Variants in RORA observed in about 807,000 individuals in gnomAD.
RORA encodes RAR related orphan receptor A, also known as nuclear receptor ROR-alpha.
A neutral mutation model predicts 69.5 loss-of-function variants in RORA; 7 were observed. The observed-to-expected ratio is 0.10, with a 90% CI of 0.06 to 0.19. The LOEUF is 0.19. Ranked by LOEUF, RORA falls within the 10% of genes least tolerant of loss-of-function variation. RORA has a pLI of 1.00. For missense variants in RORA, 457 were observed against 663.0 expected (o/e 0.69, Z 3.41); for synonymous variants, 261 against 240.8 (o/e 1.08, Z -0.78).
At chr15:60,821,797 C>A (rs989187867) in intron 1 of RORA, among the ~76,000 whole-genome samples, 1 of 152,210 alleles carries the variant, frequency 6.6e-6, no homozygotes, top group Non-Finnish European at 1.5e-5. Flanking sequence ...AATCACTCTA[C>A]AAGAGCCCCA....
intron 1 of RORA, among the ~76,000 whole-genome samples, chr15:60,755,230 T>C (rs2140865476): frequency 6.7e-6 from 1 of 148,436 alleles, no homozygotes; most frequent in African/African-American, 2.5e-5. Context: ...TAAGAACATG[T>C]GGTGTTTGGT....
chr15:60,652,361 A>G (rs1052208834), intron 2 of RORA, among the ~76,000 whole-genome samples: 3 of 152,222 alleles, frequency 2.0e-5, no homozygotes, highest in Non-Finnish European at 4.4e-5. Context: ...CCTACTTAGT[A>G]GACAGAAGAA....
At chr15:60,973,967 T>C (rs543269970) in intron 1 of RORA, among the ~76,000 whole-genome samples, 1 of 152,354 alleles carries the variant, frequency 6.6e-6, no homozygotes, top group East Asian at 1.9e-4. Context: ...ACCTTTTCAC[T>C]GGGGCCAAAC....
At chr15:60,735,267 C>T (rs2071482054) in intron 1 of RORA, among the ~76,000 whole-genome samples, 1 of 152,216 alleles carries the variant, frequency 6.6e-6, no homozygotes, top group Non-Finnish European at 1.5e-5. Context: ...TGTGACAAGA[C>T]ATACTGAACA....
At chr15:60,843,157 A>C (rs1451728619) in intron 1 of RORA, among the ~76,000 whole-genome samples, 1 of 152,134 alleles carries the variant, frequency 6.6e-6, no homozygotes, top group Non-Finnish European at 1.5e-5. Context: ...AGAAGGAACA[A>C]CCTCGCTGGG....
At chr15:61,158,768 G>A (rs2079468092) in intron 1 of RORA, among the ~76,000 whole-genome samples, 1 of 152,202 alleles carries the variant, frequency 6.6e-6, no homozygotes, top group Non-Finnish European at 1.5e-5. Flanking sequence ...GAAAGACTGT[G>A]CACTTTGGAG....
intron 1 of RORA, among the ~76,000 whole-genome samples, chr15:60,814,544 C>A (rs7165272): frequency 0.072 from 10,919 of 151,890 alleles, 527 homozygotes; most frequent in Admixed American, 0.13. Flanking sequence ...ACATAGTCCC[C>A]GGGATATTTT....
intron 1 of RORA, among the ~76,000 whole-genome samples, chr15:60,979,397 C>G (rs1484695680): frequency 6.7e-6 from 1 of 148,388 alleles, no homozygotes; most frequent in Non-Finnish European, 1.5e-5. Context: ...TGCAAAAAAG[C>G]AGCTGGAATT....
chr15:60,597,592 A>G (rs1331311768), intron 2 of RORA, among the ~76,000 whole-genome samples: 5 of 26,136 alleles, frequency 1.9e-4, no homozygotes, highest in East Asian at 3.5e-3. Context: ...ATATATATAT[A>G]TACACATATA....
At chr15:60,643,478 T>A (rs1369293016) in intron 2 of RORA, among the ~76,000 whole-genome samples, 4 of 152,200 alleles carry the variant, frequency 2.6e-5, no homozygotes, top group African/African-American at 9.6e-5. Flanking sequence ...TGAACAATAG[T>A]TTGTGTTCCA....
chr15:60,659,969 A>G (rs2070281069), intron 2 of RORA, among the ~76,000 whole-genome samples: 1 of 152,234 alleles, frequency 6.6e-6, no homozygotes, highest in Non-Finnish European at 1.5e-5. Context: ...AGGATTTTTT[A>G]AAAACCACTA....
intron 1 of RORA, among the ~76,000 whole-genome samples, chr15:61,199,360 T>A: frequency 6.6e-6 from 1 of 152,198 alleles, no homozygotes; most frequent in East Asian, 1.9e-4. Context: ...TCCAATTTTT[T>A]ATGGACAAGA....
chr15:61,202,016 T>C (rs1249277620), intron 1 of RORA, among the ~76,000 whole-genome samples: 1 of 151,666 alleles, frequency 6.6e-6, no homozygotes, highest in Admixed American at 6.6e-5. Context: ...GATCTTTTTT[T>C]TTTTTTTTTG....
chr15:60,707,606 G>A (rs1157349580), intron 1 of RORA, among the ~76,000 whole-genome samples: 1 of 152,040 alleles, frequency 6.6e-6, no homozygotes, highest in African/African-American at 2.4e-5. Flanking sequence ...CTCGTGATCT[G>A]TCCGCCTCGG....
intron 1 of RORA, among the ~76,000 whole-genome samples, chr15:61,102,746 T>C (rs918161169): frequency 5.3e-5 from 8 of 152,198 alleles, no homozygotes; most frequent in African/African-American, 1.4e-4. Context: ...ATGCACCTAG[T>C]TTTTCTTTCT....
At chr15:60,542,880 C>A (rs2140360222) in intron 2 of RORA, among the ~76,000 whole-genome samples, 1 of 149,036 alleles carries the variant, frequency 6.7e-6, no homozygotes, top group African/African-American at 2.5e-5. Flanking sequence ...CACACACACA[C>A]AACACATATA....
chr15:61,192,045 G>C (rs1412707724), intron 1 of RORA, among the ~76,000 whole-genome samples: 2 of 151,962 alleles, frequency 1.3e-5, no homozygotes, highest in East Asian at 3.9e-4. Context: ...TTAGGCGGTA[G>C]CTCTCCATAG....
At chr15:60,781,115 C>T (rs1204961987) in intron 1 of RORA, among the ~76,000 whole-genome samples, 2 of 152,168 alleles carry the variant, frequency 1.3e-5, no homozygotes, top group South Asian at 2.1e-4. Flanking sequence ...CATATACATC[C>T]GCCTCCTTCT....
At chr15:60,583,533 C>A (rs1424012431) in intron 2 of RORA, among the ~76,000 whole-genome samples, 2 of 152,186 alleles carry the variant, frequency 1.3e-5, no homozygotes, top group Non-Finnish European at 2.9e-5. Flanking sequence ...CATGCAGAGG[C>A]TGGGGCTTCT....
Sources: allele counts gnomAD v4.1 joint callset (sites outside exome capture counted in the v4.1 genomes callset), GRCh38; gene constraint gnomAD v4.1.1; transcripts MANE v1.5; gene names NCBI Gene and HGNC (gene_info 2026-07-23, HGNC 2026-07-21).